The following DNAJC1 variants were observed in gnomAD, a reference collection of about 807,000 sequenced individuals.
DNAJC1 encodes the protein DnaJ heat shock protein family (Hsp40) member C1, also known as dnaJ homolog subfamily C member 1.
A neutral mutation model predicts 76.6 loss-of-function variants in DNAJC1; 58 were observed. That is an observed-to-expected ratio of 0.76 (90% CI 0.61 to 0.94). DNAJC1 has a LOEUF of 0.94. Among genes scored for constraint, DNAJC1 ranks in the 40% least tolerant of loss-of-function variants. The pLI is 0.00. For synonymous variants in DNAJC1, 258 were observed against 267.9 expected (o/e 0.96, Z 0.36); for missense variants, 689 against 677.3 (o/e 1.02, Z -0.19).
intron 8 of DNAJC1, among the ~76,000 whole-genome samples, chr10:21,809,668 CTAAT>C (rs1325656169): frequency 3.3e-5 from 5 of 151,890 alleles, no homozygotes; most frequent in South Asian, 2.1e-4. Context: ...GTCTAATAAT[CTAAT>C]TATCTCTTAC....
chr10:21,965,273 AT>A (rs1837873814), intron 1 of DNAJC1, among the ~76,000 whole-genome samples: 1 of 152,108 alleles, frequency 6.6e-6, no homozygotes, highest in Non-Finnish European at 1.5e-5. Flanking sequence ...TCTATTTTGT[AT>A]TTTATAAAAC....
chr10:21,841,300 A>G (rs557005005), intron 8 of DNAJC1, among the ~76,000 whole-genome samples: 151 of 152,174 alleles, frequency 9.9e-4, no homozygotes, highest in Non-Finnish European at 1.6e-3. Context: ...AGAAACTACC[A>G]TCAGTGAACA....
At chr10:21,798,128 G>C (rs1362047741) in intron 9 of DNAJC1, among the ~76,000 whole-genome samples, 1 of 152,136 alleles carries the variant, frequency 6.6e-6, no homozygotes, top group Non-Finnish European at 1.5e-5. Context: ...AGGTTACAAG[G>C]TTACAAGTAT....
intron 9 of DNAJC1, among the ~76,000 whole-genome samples, chr10:21,794,380 C>T (rs1834729496): frequency 6.7e-6 from 1 of 149,158 alleles, no homozygotes; most frequent in East Asian, 2.0e-4. Flanking sequence ...ATATTGAAAA[C>T]ACTGTAGACA....
intron 6 of DNAJC1, among the ~76,000 whole-genome samples, chr10:21,909,777 G>A (rs1432531533): frequency 6.6e-6 from 1 of 152,200 alleles, no homozygotes; most frequent in Admixed American, 6.5e-5. Flanking sequence ...GTCATAATGA[G>A]CAAGGAGGCC....
chr10:21,908,007 A>C (rs1359763533), intron 6 of DNAJC1, among the ~76,000 whole-genome samples: 1 of 80,918 alleles, frequency 1.2e-5, no homozygotes, highest in Non-Finnish European at 2.2e-5. Context: ...GAAATATATT[A>C]TATATAATAA....
chr10:21,886,161 C>T (rs779401125), intron 7 of DNAJC1, among the ~76,000 whole-genome samples: 10 of 151,982 alleles, frequency 6.6e-5, no homozygotes, highest in Non-Finnish European at 1.3e-4. Context: ...TACCACTGAC[C>T]CCACAGAAGT....
intron 7 of DNAJC1, among the ~76,000 whole-genome samples, chr10:21,884,686 T>C (rs969539041): frequency 2.2e-4 from 34 of 152,140 alleles, no homozygotes; most frequent in African/African-American, 7.5e-4. Context: ...GAATAATTAT[T>C]GATGATGCTT....
intron 9 of DNAJC1, among the ~76,000 whole-genome samples, chr10:21,791,613 T>C (rs903413055): frequency 6.6e-6 from 1 of 151,808 alleles, no homozygotes; most frequent in Non-Finnish European, 1.5e-5. Flanking sequence ...TACAAATATA[T>C]GAAAATTAAA....
chr10:21,756,996 C>T (rs1306594068), intron 11 of DNAJC1, among the ~76,000 whole-genome samples: 2 of 152,208 alleles, frequency 1.3e-5, no homozygotes, highest in African/African-American at 2.4e-5. Context: ...GGGGCTGGGG[C>T]GGCCGTTTGT....
At position 22,003,235 on chromosome 10, in the gene DNAJC1, T is replaced by C. The variant is rs753041779; in HGVS notation, c.200A>G (p.Tyr67Cys). 66 of 1,569,198 alleles carry C rather than the reference T, an allele frequency of 4.2e-5. No individual in the cohort carries two copies. Among genetic ancestry groups the C allele is most frequent in the Admixed American group, 5.4e-5 (3 of 55,324 alleles). The change falls in exon 1 of 12, where the codon TAC (tyrosine) becomes TGC (cysteine). Residue 67 changes from tyrosine (Y) to cysteine (C), a missense_variant. By Grantham distance (194) the Tyr-to-Cys change is radical. Transcript: ENST00000376980. ...DLVEEVQLNF[Y>C]QFLGVQQDAS... ...TACCTGCTGCACCCCGAGGAACTGG[T>C]AGAAGTTGAGCTGCACCTCCTCCAC...
At chr10:21,809,991 T>C (rs1185511075) in intron 8 of DNAJC1, among the ~76,000 whole-genome samples, 1 of 151,956 alleles carries the variant, frequency 6.6e-6, no homozygotes, top group Non-Finnish European at 1.5e-5. Flanking sequence ...GAGTCTGTTG[T>C]CTCTCTTCCT....
chr10:21,974,719 C>G (rs1017714983), intron 1 of DNAJC1, among the ~76,000 whole-genome samples: 2 of 152,032 alleles, frequency 1.3e-5, no homozygotes, highest in African/African-American at 4.8e-5. Flanking sequence ...ATATACAAGA[C>G]AACATTTATA....
intron 8 of DNAJC1, among the ~76,000 whole-genome samples, chr10:21,828,477 AC>A (rs1835300369): frequency 6.6e-6 from 1 of 152,226 alleles, no homozygotes; most frequent in East Asian, 1.9e-4. Context: ...ACAGAGTTTC[AC>A]CTATTGGCAG....
intron 8 of DNAJC1, among the ~76,000 whole-genome samples, chr10:21,813,062 C>CAT (rs1554887819): frequency 3.2e-5 from 4 of 123,160 alleles, no homozygotes; most frequent in Admixed American, 8.9e-5. Flanking sequence ...CATATATATA[C>CAT]ATATATACAT....
chr10:21,758,231 G>T (rs2131614519), intron 11 of DNAJC1, among the ~76,000 whole-genome samples: 1 of 152,308 alleles, frequency 6.6e-6, no homozygotes, highest in Non-Finnish European at 1.5e-5. Flanking sequence ...GAATGTAAAT[G>T]AGCATGAGTG....
At chr10:21,967,504 T>G (rs1323472695) in intron 1 of DNAJC1, among the ~76,000 whole-genome samples, 1 of 152,228 alleles carries the variant, frequency 6.6e-6, no homozygotes, top group African/African-American at 2.4e-5. Flanking sequence ...GCATCCCTAT[T>G]TACCCATTGA....
chr10:21,951,451 C>T (rs1023912787), intron 1 of DNAJC1, among the ~76,000 whole-genome samples: 1 of 152,078 alleles, frequency 6.6e-6, no homozygotes. Context: ...AATTTTTCTC[C>T]TACCAAATTA....
At chr10:21,894,509 T>G (rs568472186) in intron 7 of DNAJC1, among the ~76,000 whole-genome samples, 2 of 148,358 alleles carry the variant, frequency 1.3e-5, no homozygotes, top group South Asian at 4.3e-4. Flanking sequence ...AGGTGTAGAT[T>G]GCAGTGAGCC....
Sources: allele counts gnomAD v4.1 joint callset (sites outside exome capture counted in the v4.1 genomes callset), GRCh38; gene constraint gnomAD v4.1.1; transcripts MANE v1.5; gene names NCBI Gene and HGNC (gene_info 2026-07-23, HGNC 2026-07-21).